The following GLIS3 variants were observed in gnomAD, a reference collection of about 807,000 sequenced individuals.
The protein encoded by GLIS3 is zinc finger protein GLIS3.
In GLIS3, 53 loss-of-function variants were observed where a neutral mutation model predicts 78.6. The ratio of observed to expected loss-of-function variants is 0.67; its 90% CI spans 0.54 to 0.85. GLIS3 has a LOEUF of 0.85. Among genes scored for constraint, GLIS3 ranks in the 40% least tolerant of loss-of-function variants. The probability of loss-of-function intolerance (pLI) is 0.00; values close to 1 mark genes in which losing one functional copy is unlikely to be tolerated. For missense variants in GLIS3, 1,703 were observed against 1,231.1 expected, an observed-to-expected ratio of 1.38 and a Z score of -5.74; for synonymous variants, 684 against 509.9, an observed-to-expected ratio of 1.34 and a Z score of -4.60.
chr9:4,256,515 C>G (rs770549506), intron 2 of GLIS3, among the ~76,000 whole-genome samples: 6 of 152,074 alleles, frequency 3.9e-5, no homozygotes, highest in Non-Finnish European at 8.8e-5. Flanking sequence ...GGTGAGCATC[C>G]TAAAGGACAC....
intron 6 of GLIS3, among the ~76,000 whole-genome samples, chr9:3,910,075 G>C (rs1165747885): frequency 1.3e-5 from 2 of 152,170 alleles, no homozygotes; most frequent in African/African-American, 4.8e-5. Flanking sequence ...TTTAGAAAGA[G>C]TGCTTCAGAG....
intron 2 of GLIS3, among the ~76,000 whole-genome samples, chr9:4,322,177 C>G (rs1243404023): frequency 2.0e-5 from 3 of 152,122 alleles, no homozygotes; most frequent in Non-Finnish European, 4.4e-5. Flanking sequence ...TGGTTTCCAG[C>G]TTCATCCATG....
intron 4 of GLIS3, among the ~76,000 whole-genome samples, chr9:3,976,076 C>A (rs972252872): frequency 3.3e-5 from 5 of 152,102 alleles, no homozygotes; most frequent in Non-Finnish European, 5.9e-5. Context: ...GGAAATCAGG[C>A]ACATTTGGAA....
intron 2 of GLIS3, among the ~76,000 whole-genome samples, chr9:4,152,778 T>A (rs1834777667): frequency 6.6e-6 from 1 of 152,186 alleles, no homozygotes; most frequent in Admixed American, 6.5e-5. Flanking sequence ...AATTATAAGT[T>A]TTAAAATATA....
At chr9:4,091,108 A>T (rs1459295950) in intron 4 of GLIS3, among the ~76,000 whole-genome samples, 1 of 152,164 alleles carries the variant, frequency 6.6e-6, no homozygotes, top group Non-Finnish European at 1.5e-5. Flanking sequence ...TAATCCCAAC[A>T]TTTTGGGAGT....
chr9:4,384,572 TATATATA>T, the GLIS3 span, among the ~76,000 whole-genome samples: 6 of 149,740 alleles, frequency 4.0e-5, no homozygotes, highest in East Asian at 3.9e-4. Context: ...CTCTTTCCTT[TATATATA>T]ATATATATGT....
At chr9:3,957,323 C>T (rs1338803993) in intron 4 of GLIS3, among the ~76,000 whole-genome samples, 4 of 152,166 alleles carry the variant, frequency 2.6e-5, no homozygotes, top group East Asian at 3.8e-4. Context: ...GCTGCCTAGC[C>T]GATTAATGTC....
chr9:4,057,769 T>C (rs1364628842), intron 4 of GLIS3, among the ~76,000 whole-genome samples: 1 of 152,134 alleles, frequency 6.6e-6, no homozygotes, highest in African/African-American at 2.4e-5. Context: ...TGACACTTCT[T>C]GGCAAAGACA....
intron 4 of GLIS3, among the ~76,000 whole-genome samples, chr9:4,088,778 T>C (rs1829253414): frequency 6.6e-6 from 1 of 152,246 alleles, no homozygotes; most frequent in African/African-American, 2.4e-5. Context: ...AATAAAATTA[T>C]GTAGTTTCAC....
intron 7 of GLIS3, among the ~76,000 whole-genome samples, chr9:3,891,927 G>A (rs1822482394): frequency 1.3e-5 from 2 of 152,118 alleles, no homozygotes; most frequent in South Asian, 4.1e-4. Flanking sequence ...TATGCACGTT[G>A]ATGAGACTTT....
At chr9:4,463,926 G>T in the GLIS3 span, among the ~76,000 whole-genome samples, 1 of 152,188 alleles carries the variant, frequency 6.6e-6, no homozygotes, top group African/African-American at 2.4e-5. Context: ...AGAACTGAGT[G>T]AGAACTGAGG....
At chr9:3,969,690 T>G (rs1818232915) in intron 4 of GLIS3, among the ~76,000 whole-genome samples, 1 of 152,184 alleles carries the variant, frequency 6.6e-6, no homozygotes, top group Non-Finnish European at 1.5e-5. Flanking sequence ...TGTGAAGAAC[T>G]CAGCTTGCTG....
chr9:4,462,008 T>C, the GLIS3 span, among the ~76,000 whole-genome samples: 1 of 152,218 alleles, frequency 6.6e-6, no homozygotes, highest in African/African-American at 2.4e-5. Flanking sequence ...ACAAATTTTC[T>C]GGTACAGTTC....
intron 2 of GLIS3, among the ~76,000 whole-genome samples, chr9:4,272,289 T>A (rs745485435): frequency 6.6e-6 from 1 of 152,160 alleles, no homozygotes; most frequent in Non-Finnish European, 1.5e-5. Flanking sequence ...AATAAACATA[T>A]GCCAGACACT....
intron 4 of GLIS3, among the ~76,000 whole-genome samples, chr9:3,968,319 T>C (rs990853399): frequency 2.6e-5 from 4 of 152,138 alleles, no homozygotes. Flanking sequence ...GTGCTGATGA[T>C]AGGGAGCTTA....
intron 4 of GLIS3, among the ~76,000 whole-genome samples, chr9:4,040,277 T>A (rs529276171): frequency 4.7e-5 from 7 of 150,100 alleles, no homozygotes; most frequent in Non-Finnish European, 8.9e-5. Flanking sequence ...AACATTTTAC[T>A]TCACAAGGTA....
chr9:4,190,341 G>C (rs1818220714), intron 2 of GLIS3, among the ~76,000 whole-genome samples: 2 of 152,112 alleles, frequency 1.3e-5, no homozygotes, highest in African/African-American at 2.4e-5. Flanking sequence ...GCTTAAAGGA[G>C]CTGATGGAGC....
chr9:4,172,968 T>C (rs563283980), intron 2 of GLIS3, among the ~76,000 whole-genome samples: 8 of 152,278 alleles, frequency 5.3e-5, no homozygotes, highest in African/African-American at 1.4e-4. Context: ...AAATTCTGAA[T>C]TTTTTTGTAA....
intron 2 of GLIS3, among the ~76,000 whole-genome samples, chr9:4,311,919 G>A (rs1407091973): frequency 6.6e-6 from 1 of 151,218 alleles, no homozygotes; most frequent in Non-Finnish European, 1.5e-5. Flanking sequence ...TCTTGGAAGT[G>A]GAAACTACAT....
Sources: allele counts gnomAD v4.1 joint callset (sites outside exome capture counted in the v4.1 genomes callset), GRCh38; gene constraint gnomAD v4.1.1; transcripts MANE v1.5; gene names NCBI Gene and HGNC (gene_info 2026-07-23, HGNC 2026-07-21).